RERE: variants seen among roughly 807,000 people sequenced by gnomAD.
The protein encoded by RERE is arginine-glutamic acid dipeptide repeats.
RERE carries 40 observed loss-of-function variants against 146.1 expected under a neutral mutation model. That is an observed-to-expected ratio of 0.27 (90% CI 0.21 to 0.36). The LOEUF (loss-of-function observed/expected upper bound fraction) is 0.36. Ranked by LOEUF, RERE falls within the 10% of genes least tolerant of loss-of-function variation. The pLI, the probability that RERE is intolerant of heterozygous loss-of-function variation, is 1.00. For missense variants in RERE, 1,933 were observed against 2,138.7 expected (o/e 0.90, Z 1.90); for synonymous variants, 1,003 against 866.0 (o/e 1.16, Z -2.78).
In RERE at chr1:8,420,679, C is replaced by G. The variant is rs142523788; in HGVS notation, c.1284+2048G>C. ...AAATCCTCCATTGCTGCAAACAACT[C>G]TCTCATTAGTTCCAATGATGGTGAC... On this transcript the variant is annotated intron_variant, in intron 12 of 22. Coordinates refer to ENST00000400908, the MANE Select transcript of RERE (RefSeq NM_001042681.2). 6.7e-3 allele frequency among the ~76,000 whole-genome samples: 1,014 copies of G among 152,306 alleles called. 10 individuals are homozygous for G. The highest frequency in any genetic ancestry group is 0.023 in the African/African-American group (963 of 41,568).
chr1:8,504,407 T>C (rs1006109559), intron 8 of RERE, among the ~76,000 whole-genome samples: 8 of 152,234 alleles, frequency 5.3e-5, no homozygotes, highest in Non-Finnish European at 1.2e-4. Context: ...CAATAAGAAC[T>C]GATTAAAGTT....
rs904517094 is a variant in RERE at position 8,806,522 on chromosome 1, AAAT to A, written c.-145+10635_-145+10637del. Among the ~76,000 whole-genome samples the A allele has an allele frequency of 5.6e-3, 855 of 151,988 alleles. 9 individuals are homozygous for A. Among genetic ancestry groups the A allele is most frequent in the African/African-American group, 0.02 (818 of 41,436 alleles). On this transcript the variant is annotated intron_variant, in intron 1 of 22. Transcript: ENST00000400908. ...TGACAGAGGGAGACTCCATCTCAAA[AAAT>A]AATAATAATAATAATAACTTCCTAA...
chr1:8,429,423 A>C (rs755263008), intron 11 of RERE, among the ~76,000 whole-genome samples: 2 of 152,200 alleles, frequency 1.3e-5, no homozygotes, highest in African/African-American at 4.8e-5. Context: ...TACTGGGCTG[A>C]GAGTAAACCC....
intron 2 of RERE, among the ~76,000 whole-genome samples, chr1:8,648,183 T>C (rs1647418357): frequency 6.6e-6 from 1 of 152,222 alleles, no homozygotes; most frequent in Non-Finnish European, 1.5e-5. Flanking sequence ...AAAGGAATTA[T>C]ACAGTATTAT....
Position 8,364,572 on chromosome 1 carries a change from A to G in RERE, c.1540+174T>C, listed in dbSNP as rs1243719349. 6.6e-6 allele frequency among the ~76,000 whole-genome samples: 1 copy of G among 152,152 alleles called. No individual in the cohort carries two copies. Among genetic ancestry groups the G allele is most frequent in the Non-Finnish European group, 1.5e-5 (1 of 68,030 alleles). Reference sequence around the variant, plus strand: ...AGTCAGTATTCCATACCGACTGCCAAGCAGAGGAGTAAAGTAAACTAAACA... The same window carrying G: ...AGTCAGTATTCCATACCGACTGCCAGGCAGAGGAGTAAAGTAAACTAAACA... On this transcript the variant is annotated intron_variant, in intron 14 of 22. Coordinates refer to ENST00000400908, the MANE Select transcript of RERE (RefSeq NM_001042681.2). This position sits in a 1 kb window ranked among gnomAD's most constrained non-coding sequence, Gnocchi z 5.1.
chr1:8,747,867 C>T (rs1043355110), intron 1 of RERE, among the ~76,000 whole-genome samples: 6 of 152,118 alleles, frequency 3.9e-5, no homozygotes, highest in East Asian at 3.9e-4. Context: ...CTCCGCCTCC[C>T]GGGTTCAAGT....
Position 8,495,095 on chromosome 1 carries a change from G to A in RERE, c.1072C>T (p.Arg358Trp). The A allele has an allele frequency of 1.2e-6, 2 of 1,613,710 alleles. No individual in the cohort carries two copies. The highest frequency in any genetic ancestry group is 2.2e-5 in the East Asian group (1 of 44,868). The change falls in exon 10 of 23, where the codon CGG becomes TGG. Residue 358 changes from arginine (R) to tryptophan (W), a missense_variant. By Grantham distance (101) the Arg-to-Trp change is moderately radical. Around this residue, in one of 11 missense-constraint regions of RERE, gnomAD observed 260 missense variants for 378.4 expected, o/e 0.69. Coordinates refer to ENST00000400908, the MANE Select transcript of RERE (RefSeq NM_001042681.2). ...STEDGCVAAS[R>W]DDTTLNALNT... ...AGTGCATTCAGAGTGGTGTCATCCCGAGAGGCTGCGACACAGCCGTCCTCT... is the reference window on the plus strand; with the variant it reads ...AGTGCATTCAGAGTGGTGTCATCCCAAGAGGCTGCGACACAGCCGTCCTCT...
At chr1:8,490,217 G>A (rs1188218225) in intron 10 of RERE, among the ~76,000 whole-genome samples, 1 of 150,290 alleles carries the variant, frequency 6.7e-6, no homozygotes, top group Non-Finnish European at 1.5e-5. Flanking sequence ...AAAAAAATTA[G>A]CTGGACGTGG....
intron 1 of RERE, among the ~76,000 whole-genome samples, chr1:8,733,014 G>A (rs1299334736): frequency 6.6e-6 from 1 of 151,462 alleles, no homozygotes; most frequent in South Asian, 2.1e-4. Context: ...GTAGAGACGG[G>A]GTTTCACCGT....
intron 11 of RERE, among the ~76,000 whole-genome samples, chr1:8,445,586 C>G (rs1644305926): frequency 6.6e-6 from 1 of 152,120 alleles, no homozygotes. Flanking sequence ...TCTTCATAAG[C>G]AGGAAATTAC....
intron 4 of RERE, among the ~76,000 whole-genome samples, chr1:8,560,147 T>C: frequency 6.6e-6 from 1 of 152,146 alleles, no homozygotes; most frequent in South Asian, 2.1e-4. Context: ...TGGGGATGCA[T>C]TCAGTTAAAA....
chr1:8,474,436 A>G (rs1644727868), intron 10 of RERE, among the ~76,000 whole-genome samples: 2 of 152,204 alleles, frequency 1.3e-5, no homozygotes, highest in Admixed American at 6.5e-5. Flanking sequence ...ATGTCCAAGC[A>G]CCTCATTAAT....
chr1:8,396,557 G>T (rs1643062532), intron 12 of RERE, among the ~76,000 whole-genome samples: 2 of 152,150 alleles, frequency 1.3e-5, no homozygotes, highest in African/African-American at 4.8e-5. Flanking sequence ...GAAGCAGTCA[G>T]CCGTCTAATA....
intron 1 of RERE, among the ~76,000 whole-genome samples, chr1:8,707,065 A>G (rs1639573285): frequency 2.6e-5 from 4 of 152,148 alleles, no homozygotes; most frequent in Admixed American, 6.6e-5. Flanking sequence ...GGTCTGCACC[A>G]TTGCTTCTTT....
chr1:8,659,148 T>C (rs1638397261), intron 1 of RERE, among the ~76,000 whole-genome samples: 1 of 152,196 alleles, frequency 6.6e-6, no homozygotes, highest in Non-Finnish European at 1.5e-5. Flanking sequence ...AAACAGATAG[T>C]CATAAACTCC....
chr1:8,580,697 C>CCT (rs1188630820), intron 4 of RERE, among the ~76,000 whole-genome samples: 3 of 152,072 alleles, frequency 2.0e-5, no homozygotes, highest in African/African-American at 7.2e-5. Context: ...CCATAGAAAA[C>CCT]CTCGATCTAG....
intron 1 of RERE, among the ~76,000 whole-genome samples, chr1:8,793,720 T>C (rs191902344): frequency 1.3e-5 from 2 of 152,314 alleles, no homozygotes; most frequent in Admixed American, 6.5e-5. Flanking sequence ...ACTGTTCTAA[T>C]TACAAGTTAC....
chr1:8,791,354 T>G (rs570518638), intron 1 of RERE, among the ~76,000 whole-genome samples: 5 of 152,302 alleles, frequency 3.3e-5, no homozygotes, highest in South Asian at 2.1e-4. Flanking sequence ...TTTAGTGGGG[T>G]TTTTTTCATA....
chr1:8,375,378 C>CGTAAA (rs1642199156), intron 12 of RERE, among the ~76,000 whole-genome samples: 1 of 152,212 alleles, frequency 6.6e-6, no homozygotes, highest in Admixed American at 6.5e-5. Context: ...TCTTTGATTA[C>CGTAAA]ATTTACTGTT....
Sources: gnomAD v4.1 joint callset for allele counts (sites outside exome capture counted in the v4.1 genomes callset) on GRCh38, gnomAD v4.1.1 for gene constraint, gnomAD v4.1.1 regional missense constraint, Gnocchi (gnomAD v3.1) non-coding constraint, MANE v1.5 for transcripts, NCBI Gene and HGNC (gene_info 2026-07-23, HGNC 2026-07-21) for gene names.